SCHIP1: variants seen among roughly 807,000 people sequenced by gnomAD.
The protein encoded by SCHIP1 is schwannomin interacting protein 1, also known as schwannomin-interacting protein 1.
In SCHIP1, 8 loss-of-function variants were observed where a neutral mutation model predicts 29.7. The observed-to-expected ratio is 0.27, with a 90% CI of 0.16 to 0.49. The LOEUF (loss-of-function observed/expected upper bound fraction) is 0.49, where lower values mean the gene tolerates loss of function less well. Ranked by LOEUF, SCHIP1 falls within the 20% of genes least tolerant of loss-of-function variation. The pLI, the probability that SCHIP1 is intolerant of heterozygous loss-of-function variation, is 0.99. For missense variants in SCHIP1, 193 were observed against 294.6 expected (o/e 0.66, Z 2.52); for synonymous variants, 76 against 94.9 (o/e 0.80, Z 1.16).
the SCHIP1 span, among the ~76,000 whole-genome samples, chr3:159,485,089 A>G: frequency 6.6e-6 from 1 of 152,176 alleles, no homozygotes; most frequent in African/African-American, 2.4e-5. Context: ...AGTTCTCAAA[A>G]TCAATGTTTG....
the SCHIP1 span, among the ~76,000 whole-genome samples, chr3:159,303,968 C>T: frequency 2.6e-5 from 4 of 151,644 alleles, no homozygotes; most frequent in African/African-American, 7.3e-5. Flanking sequence ...CCCACTAACT[C>T]GTCATCTAGC....
chr3:159,600,950 C>T, the SCHIP1 span, among the ~76,000 whole-genome samples: 995 of 152,294 alleles, frequency 6.5e-3, 16 homozygotes, highest in African/African-American at 0.023. Context: ...TTAGTGCTTT[C>T]TGTGATTTCC....
the SCHIP1 span, among the ~76,000 whole-genome samples, chr3:159,658,260 A>G: frequency 6.6e-6 from 1 of 152,208 alleles, no homozygotes; most frequent in Admixed American, 6.5e-5. Flanking sequence ...AATGTTTATG[A>G]TATCCAGGTG....
chr3:159,811,969 T>G, the SCHIP1 span, among the ~76,000 whole-genome samples: 326 of 82,074 alleles, frequency 4.0e-3, 5 homozygotes, highest in African/African-American at 0.014. Flanking sequence ...GTTTTTTTTG[T>G]TTTTGTTTTT....
At chr3:159,609,720 C>T in the SCHIP1 span, among the ~76,000 whole-genome samples, 1 of 152,080 alleles carries the variant, frequency 6.6e-6, no homozygotes, top group Non-Finnish European at 1.5e-5. Flanking sequence ...AGTTGCCCTA[C>T]GAGCCCTGGA....
the SCHIP1 span, among the ~76,000 whole-genome samples, chr3:159,654,932 C>T: frequency 1.3e-5 from 2 of 152,012 alleles, no homozygotes; most frequent in African/African-American, 4.8e-5. Flanking sequence ...ATAGGACTGG[C>T]TACCCTGAGG....
chr3:159,452,498 G>A, the SCHIP1 span, among the ~76,000 whole-genome samples: 1 of 152,108 alleles, frequency 6.6e-6, no homozygotes, highest in Non-Finnish European at 1.5e-5. Flanking sequence ...TTTTATGGCT[G>A]CATAATATTC....
chr3:159,553,682 C>T, the SCHIP1 span, among the ~76,000 whole-genome samples: 3 of 152,194 alleles, frequency 2.0e-5, no homozygotes, highest in Non-Finnish European at 2.9e-5. Context: ...ATGGTCATAG[C>T]TCACTGCAAC....
At chr3:159,869,282 A>G (rs534506457) in intron 2 of SCHIP1, among the ~76,000 whole-genome samples, 1 of 152,064 alleles carries the variant, frequency 6.6e-6, no homozygotes, top group South Asian at 2.1e-4. Flanking sequence ...TTTTCTAGTC[A>G]ATGGCTTTCT....
chr3:159,313,793 C>T, the SCHIP1 span, among the ~76,000 whole-genome samples: 1 of 152,150 alleles, frequency 6.6e-6, no homozygotes. Flanking sequence ...CCTTAATCTC[C>T]TCTAATCTGC....
the SCHIP1 span, among the ~76,000 whole-genome samples, chr3:159,435,426 A>C: frequency 6.6e-6 from 1 of 152,120 alleles, no homozygotes; most frequent in Non-Finnish European, 1.5e-5. Flanking sequence ...CTACAGGGAT[A>C]AGCTCTAGCC....
the SCHIP1 span, among the ~76,000 whole-genome samples, chr3:159,498,054 A>T: frequency 1.3e-5 from 2 of 152,208 alleles, no homozygotes; most frequent in East Asian, 3.9e-4. Flanking sequence ...TGTAGAAGTG[A>T]ACAAACTATG....
At chr3:159,763,440 G>A in the SCHIP1 span, among the ~76,000 whole-genome samples, 2 of 152,112 alleles carry the variant, frequency 1.3e-5, no homozygotes, top group African/African-American at 4.8e-5. Flanking sequence ...AGAAAATACG[G>A]GTGTCGGCGT....
At chr3:159,635,577 GTGACACCATGTTTCCTCTGGA>G in the SCHIP1 span, among the ~76,000 whole-genome samples, 91 of 152,126 alleles carry the variant, frequency 6.0e-4, 1 homozygote, top group Non-Finnish European at 1.3e-4. Flanking sequence ...GTTCTTCTGT[GTGACACCATGTTTCCTCTGGA>G]TGAGTATATG....
the SCHIP1 span, among the ~76,000 whole-genome samples, chr3:159,427,952 C>T: frequency 6.6e-6 from 1 of 151,572 alleles, no homozygotes; most frequent in Non-Finnish European, 1.5e-5. Context: ...GGAAAGGATT[C>T]CCTATTTAAT....
the SCHIP1 span, among the ~76,000 whole-genome samples, chr3:159,736,132 T>A: frequency 1.6e-4 from 24 of 152,216 alleles, no homozygotes; most frequent in Admixed American, 1.2e-3. Flanking sequence ...TCTGCAAGTA[T>A]GGATATGTTT....
intron 1 of SCHIP1, among the ~76,000 whole-genome samples, chr3:159,856,705 G>A (rs192913838): frequency 6.6e-5 from 10 of 152,328 alleles, no homozygotes; most frequent in East Asian, 1.9e-4. Flanking sequence ...CAGGGGTGCC[G>A]TCTCTAGTGT....
chr3:159,480,268 G>T, the SCHIP1 span, among the ~76,000 whole-genome samples: 1 of 152,136 alleles, frequency 6.6e-6, no homozygotes, highest in Non-Finnish European at 1.5e-5. Flanking sequence ...GTATGAGTAT[G>T]TGGTTATAAT....
At chr3:159,654,610 A>G in the SCHIP1 span, among the ~76,000 whole-genome samples, 7 of 151,934 alleles carry the variant, frequency 4.6e-5, no homozygotes, top group East Asian at 1.4e-3. Flanking sequence ...CTGTGTGAAG[A>G]AGGTGATGAA....
Sources: allele counts gnomAD v4.1 joint callset (sites outside exome capture counted in the v4.1 genomes callset), GRCh38; gene constraint gnomAD v4.1.1; transcripts MANE v1.5; gene names NCBI Gene and HGNC (gene_info 2026-07-23, HGNC 2026-07-21).